ALDH18A1: variants seen among roughly 807,000 people sequenced by gnomAD.
The protein encoded by ALDH18A1 is aldehyde dehydrogenase 18 family member A1, also known as delta-1-pyrroline-5-carboxylate synthase.
In ALDH18A1, 44 loss-of-function variants were observed where a neutral mutation model predicts 88.8. That is an observed-to-expected ratio of 0.50 (90% CI 0.39 to 0.64). ALDH18A1 has a LOEUF of 0.64. ALDH18A1 is among the 30% of genes least tolerant of loss of function. The probability of loss-of-function intolerance (pLI) is 0.00; values close to 1 mark genes in which losing one functional copy is unlikely to be tolerated. For synonymous variants in ALDH18A1, 331 were observed against 372.1 expected (o/e 0.89, Z 1.27); for missense variants, 782 against 1,009.5 (o/e 0.77, Z 3.05).
At position 95,651,900 on chromosome 10, in the gene ALDH18A1, T is replaced by C. The variant is rs117067848; in HGVS notation, c.88+1390A>G. Among the ~76,000 whole-genome samples the C allele has an allele frequency of 7.1e-4, 108 of 152,346 alleles. 4 individuals are homozygous for C. In the East Asian group the frequency reaches 0.017, roughly 24 times the overall value. On this transcript the variant is annotated intron_variant, in intron 2 of 17. Coordinates refer to ENST00000371224, the MANE Select transcript of ALDH18A1 (RefSeq NM_002860.4). ...GCATTTATCCCACAGAAATGAAAAC[T>C]ATGTTCACACAAAATCCTGTACATC...
At chr10:95,620,416 G>C (rs2139565532) in intron 12 of ALDH18A1, among the ~76,000 whole-genome samples, 1 of 152,266 alleles carries the variant, frequency 6.6e-6, no homozygotes, top group South Asian at 2.1e-4. Flanking sequence ...ATTTGACCCA[G>C]CCATCCCATT....
chr10:95,655,128 TTTATTA>T lies in ALDH18A1; in HGVS notation c.-29+1463_-29+1468del, dbSNP rs147662060. ...CTTGTGGAGAGTTACCCAATTTTTC[TTTATTA>T]TTATTATTATTATTATTATTATACT... On this transcript the variant is annotated intron_variant, in intron 1 of 17. Coordinates refer to ENST00000371224, the MANE Select transcript of ALDH18A1 (RefSeq NM_002860.4). Among the ~76,000 whole-genome samples, 772 of 133,736 alleles carry T rather than the reference TTTATTA, an allele frequency of 5.8e-3. 7 individuals carry two copies. The highest frequency in any genetic ancestry group is 0.018 in the African/African-American group (684 of 37,910). 87.7% of individuals were successfully genotyped at this position (133,736 alleles called of 152,430 possible). A position where few individuals can be genotyped will look rare whatever the true frequency, so the allele number is the denominator to read the frequency against.
In ALDH18A1 at chr10:95,606,286, G is replaced by T. The variant is rs774579016; in HGVS notation, c.*476C>A. ...ATCGATTTTTGTGACTTTCTGATGA[G>T]AATGCTAAAAAGAAGAGTTGCCCCT... On this transcript the variant is annotated 3_prime_UTR_variant, in exon 18 of 18. Coordinates refer to ENST00000371224, the MANE Select transcript of ALDH18A1 (RefSeq NM_002860.4). 7 of 1,001,502 alleles carry T rather than the reference G, an allele frequency of 7.0e-6. No homozygotes were observed. The highest frequency in any genetic ancestry group is 8.3e-6 in the Non-Finnish European group (7 of 838,902). The allele number at this position is 1,001,502 out of a possible 1,614,324, so 62.0% of individuals were successfully genotyped here. A position where few individuals can be genotyped will look rare whatever the true frequency, so the allele number is the denominator to read the frequency against.
At chr10:95,654,547 AG>A (rs1484659673) in intron 1 of ALDH18A1, among the ~76,000 whole-genome samples, 1 of 151,978 alleles carries the variant, frequency 6.6e-6, no homozygotes, top group Non-Finnish European at 1.5e-5. Context: ...GATATATCCC[AG>A]CCCTCTTAAA....
intron 10 of ALDH18A1, among the ~76,000 whole-genome samples, chr10:95,625,765 A>C (rs192634935): frequency 7.3e-4 from 111 of 151,550 alleles, no homozygotes; most frequent in African/African-American, 2.7e-3. Context: ...GAAAAAAAAA[A>C]GGGGGGGAAG....
chr10:95,626,586 T>C, intron 10 of ALDH18A1, 117 bp downstream of exon 10: 1 of 952,530 alleles, frequency 1.0e-6, no homozygotes, highest in Non-Finnish European at 1.7e-6. Context: ...GACTTGTAAC[T>C]CAGATAACTC....
chr10:95,640,816 A>G (rs1374964317), intron 3 of ALDH18A1, among the ~76,000 whole-genome samples: 2 of 152,164 alleles, frequency 1.3e-5, no homozygotes, highest in African/African-American at 2.4e-5. Context: ...AACCTACGCA[A>G]ACCTTTACCA....
rs149479533 is a variant in ALDH18A1, at chr10:95,631,029, T to C, written c.808+1930A>G. On this transcript the variant is annotated intron_variant, in intron 7 of 17. Coordinates refer to ENST00000371224, the MANE Select transcript of ALDH18A1 (RefSeq NM_002860.4). Reference sequence around the variant, plus strand: ...GTCCTGCCATGTTAACCTGCCTTGATGTGGGCTGGGAATTAAGTAGAGGTT... The same window carrying C: ...GTCCTGCCATGTTAACCTGCCTTGACGTGGGCTGGGAATTAAGTAGAGGTT... 7.9e-5 allele frequency among the ~76,000 whole-genome samples: 12 copies of C among 152,270 alleles called. No homozygotes were observed. The East Asian group carries it at 1.9e-3, about 24-fold the overall frequency.
intron 1 of ALDH18A1, among the ~76,000 whole-genome samples, chr10:95,656,108 T>C (rs1771070804): frequency 6.6e-6 from 1 of 152,084 alleles, no homozygotes; most frequent in African/African-American, 2.4e-5. Flanking sequence ...GATGAACGCC[T>C]GGAGGGCCGC....
At chr10:95,607,906 G>A (rs945232856) in intron 17 of ALDH18A1, among the ~76,000 whole-genome samples, 2 of 152,200 alleles carry the variant, frequency 1.3e-5, no homozygotes, top group Non-Finnish European at 2.9e-5. Context: ...GGATGTGCTT[G>A]GGGTAGTGGT....
chr10:95,609,737 T>C (rs1453492243), intron 17 of ALDH18A1, among the ~76,000 whole-genome samples: 1 of 151,330 alleles, frequency 6.6e-6, no homozygotes, highest in Non-Finnish European at 1.5e-5. Flanking sequence ...TTATTCTCCC[T>C]GATAATCCTA....
At position 95,621,158 on chromosome 10, in the gene ALDH18A1, G is replaced by A. The variant is rs1386146268; in HGVS notation, c.1340C>T (p.Ser447Phe). The A allele has an allele frequency of 6.2e-7, 1 of 1,614,086 alleles. No homozygotes were observed. The change falls in exon 12 of 18, where the codon TCC becomes TTC. Residue 447 changes from serine (S) to phenylalanine (F), a missense_variant. By Grantham distance (155) the Ser-to-Phe change is radical. Around this residue, in one of 3 missense-constraint regions of ALDH18A1, gnomAD observed 556 missense variants for 654.5 expected, o/e 0.85. Coordinates refer to ENST00000371224, the MANE Select transcript of ALDH18A1 (RefSeq NM_002860.4). The stretch of plus-strand genomic sequence containing the variant: ...CAAAACACGTCCCACGCTGTCCTGG[G>A]AGGAGGCTGCGATCTGTCGCAGACC... ...AIGLRQIAAS[S>F]QDSVGRVLRR... is the part of the protein sequence containing the mutation.
In ALDH18A1 at chr10:95,610,236, C is replaced by A; in HGVS notation, c.2167G>T (p.Ala723Ser). The A allele has an allele frequency of 6.2e-7, 1 of 1,614,114 alleles. No individual in the cohort carries two copies. Among genetic ancestry groups the A allele is most frequent in the Admixed American group, 1.7e-5 (1 of 60,018 alleles). The change falls in exon 17 of 18, where the codon GCC becomes TCC. Residue 723 changes from alanine to serine, a missense_variant. By Grantham distance (99) the Ala-to-Ser change is moderately conservative. Around this residue, in one of 3 missense-constraint regions of ALDH18A1, gnomAD observed 556 missense variants for 654.5 expected, o/e 0.85. Transcript: ENST00000371224. The part of the protein sequence containing the change: ...HVDSACVFWN[A>S]STRFSDGYRF... ...TAACCATCAGAAAAGCGAGTGCTGG[C>A]ATTCCAGAACACACAGGCACTGTCT...
chr10:95,618,328 T>C (rs2097847171), intron 12 of ALDH18A1, among the ~76,000 whole-genome samples: 1 of 152,124 alleles, frequency 6.6e-6, no homozygotes, highest in Non-Finnish European at 1.5e-5. Flanking sequence ...GTTGCATTCT[T>C]TTCTCTTTTT....
intron 12 of ALDH18A1, 47 bp downstream of exon 12, chr10:95,620,984 C>T (rs767505325): frequency 1.3e-6 from 2 of 1,568,638 alleles, no homozygotes; most frequent in African/African-American, 1.4e-5. Context: ...AATATCCACA[C>T]CAGCCCCCAA....
chr10:95,606,581 A>G lies in ALDH18A1; in HGVS notation c.*181T>C. On this transcript the variant is annotated 3_prime_UTR_variant, in exon 18 of 18. Coordinates refer to ENST00000371224, the MANE Select transcript of ALDH18A1 (RefSeq NM_002860.4). ...CTTTAAAAAAAAAGGGTGAGCTGGGAGCCAGACTGTGCACATCAGCCAAGA... is the reference window on the plus strand; with the variant it reads ...CTTTAAAAAAAAAGGGTGAGCTGGGGGCCAGACTGTGCACATCAGCCAAGA... 1 of 1,529,624 alleles carries G rather than the reference A, an allele frequency of 6.5e-7. No homozygotes were observed. Among genetic ancestry groups the G allele is most frequent in the South Asian group, 1.3e-5 (1 of 78,678 alleles). 94.8% of individuals were successfully genotyped at this position (1,529,624 alleles called of 1,614,324 possible). A position where few individuals can be genotyped will look rare whatever the true frequency, so the allele number is the denominator to read the frequency against.
intron 2 of ALDH18A1, among the ~76,000 whole-genome samples, chr10:95,644,129 C>T (rs147410431): frequency 3.9e-5 from 6 of 152,220 alleles, no homozygotes; most frequent in African/African-American, 1.2e-4. Context: ...GGCAACAGAG[C>T]AAGACTCCTT....
At chr10:95,619,470 G>A (rs188110315) in intron 12 of ALDH18A1, among the ~76,000 whole-genome samples, 8 of 152,242 alleles carry the variant, frequency 5.3e-5, no homozygotes, top group South Asian at 4.1e-4. Context: ...AAAAGAGCCC[G>A]CATTGCCAAG....
chr10:95,632,018 T>C (rs2097871028), intron 7 of ALDH18A1, among the ~76,000 whole-genome samples: 1 of 152,170 alleles, frequency 6.6e-6, no homozygotes, highest in Non-Finnish European at 1.5e-5. Flanking sequence ...ACATGGTACA[T>C]CCACAGAGTG....
Sources: allele counts gnomAD v4.1 joint callset (sites outside exome capture counted in the v4.1 genomes callset), GRCh38; gene constraint gnomAD v4.1.1; regional missense constraint gnomAD v4.1.1; transcripts MANE v1.5; gene names NCBI Gene and HGNC (gene_info 2026-07-23, HGNC 2026-07-21).